Variants in TENM4 observed in about 807,000 individuals in gnomAD.
TENM4 encodes the protein teneurin transmembrane protein 4.
Under a neutral mutation model 243.3 loss-of-function variants are expected in TENM4, and 82 were observed. The observed-to-expected ratio is 0.34, with a 90% CI of 0.28 to 0.40. The LOEUF is 0.40. TENM4 is among the 10% of genes least tolerant of loss of function. The pLI is 1.00. For missense variants in TENM4, 3,138 were observed against 3,673.3 expected (o/e 0.85, Z 3.77); for synonymous variants, 1,412 against 1,456.3 (o/e 0.97, Z 0.69).
chr11:78,750,185 G>A (rs1482346891), intron 19 of TENM4, among the ~76,000 whole-genome samples: 1 of 152,192 alleles, frequency 6.6e-6, no homozygotes, highest in Non-Finnish European at 1.5e-5. Context: ...AGCTTATCCA[G>A]TAGTTCATGC....
At chr11:78,902,400 G>T (rs1347292107) in intron 7 of TENM4, among the ~76,000 whole-genome samples, 1 of 152,184 alleles carries the variant, frequency 6.6e-6, no homozygotes, top group Non-Finnish European at 1.5e-5. Context: ...ATGTCCCTGA[G>T]CTGACAAATC....
chr11:79,206,541 C>T (rs954743092), intron 3 of TENM4, among the ~76,000 whole-genome samples: 2 of 152,286 alleles, frequency 1.3e-5, no homozygotes, highest in African/African-American at 4.8e-5. Flanking sequence ...CAAATGTCAA[C>T]TTGAATTGTA....
At chr11:78,963,331 A>C (rs1857371444) in intron 6 of TENM4, among the ~76,000 whole-genome samples, 1 of 152,216 alleles carries the variant, frequency 6.6e-6, no homozygotes, top group Non-Finnish European at 1.5e-5. Flanking sequence ...AAGAACTTTG[A>C]GCTCAGACAA....
intron 2 of TENM4, among the ~76,000 whole-genome samples, chr11:79,238,551 G>A (rs1189820222): frequency 6.6e-6 from 1 of 152,072 alleles, no homozygotes; most frequent in Non-Finnish European, 1.5e-5. Flanking sequence ...TGGTTCTCAG[G>A]CCTTAGGGTT....
At chr11:78,989,290 G>A (rs756054411) in intron 6 of TENM4, among the ~76,000 whole-genome samples, 4 of 152,232 alleles carry the variant, frequency 2.6e-5, no homozygotes, top group African/African-American at 4.8e-5. Flanking sequence ...AGAGTCACAG[G>A]ATGTGGGAAA....
chr11:79,407,516 C>T (rs1218725946), intron 1 of TENM4, among the ~76,000 whole-genome samples: 1 of 152,190 alleles, frequency 6.6e-6, no homozygotes, highest in Admixed American at 6.5e-5. Flanking sequence ...GGAACCAAGG[C>T]TTACAGAGGT....
chr11:79,142,830 A>C (rs1454958431), intron 4 of TENM4, among the ~76,000 whole-genome samples: 2 of 152,110 alleles, frequency 1.3e-5, no homozygotes, highest in African/African-American at 4.8e-5. Context: ...ACAAATCTGC[A>C]TACCTACAGT....
intron 6 of TENM4, among the ~76,000 whole-genome samples, chr11:78,972,808 C>T (rs180995115): frequency 6.0e-4 from 92 of 152,300 alleles, no homozygotes; most frequent in African/African-American, 2.2e-3. Context: ...AGAGAAACTC[C>T]ACACTCATTA....
rs1555097811 is a variant in TENM4 at position 78,893,780 on chromosome 11, T to TACATACACACACACACACACACACAC, written c.750-2445_750-2444insGTGTGTGTGTGTGTGTGTGTGTATGT. Among the ~76,000 whole-genome samples, 41 of 142,668 alleles carry TACATACACACACACACACACACACAC rather than the reference T, an allele frequency of 2.9e-4. 1 individual carries two copies. Among genetic ancestry groups the TACATACACACACACACACACACACAC allele is most frequent in the African/African-American group, 1.1e-3 (38 of 36,000 alleles). 93.6% of individuals were successfully genotyped at this position (142,668 alleles called of 152,430 possible). On this transcript the variant is annotated intron_variant, in intron 7 of 33. Coordinates refer to ENST00000278550, the MANE Select transcript of TENM4 (RefSeq NM_001098816.3). Reference sequence around the variant, plus strand: ...TGTACTGATTTTTCAGGACTTCACATACACACACACACACACACACTCCTC... The same window carrying TACATACACACACACACACACACACAC: ...TGTACTGATTTTTCAGGACTTCACATACATACACACACACACACACACACACACACACACACACACACACACTCCTC...
At chr11:78,709,614 A>C (rs988913170) in intron 26 of TENM4, among the ~76,000 whole-genome samples, 5 of 152,038 alleles carry the variant, frequency 3.3e-5, no homozygotes, top group Non-Finnish European at 4.4e-5. Flanking sequence ...GCTAAACTGC[A>C]CCCCCCAGGT....
intron 3 of TENM4, among the ~76,000 whole-genome samples, chr11:79,181,058 C>T (rs1023971571): frequency 3.2e-4 from 49 of 152,174 alleles, no homozygotes; most frequent in Admixed American, 2.9e-3. Context: ...TTCTAGGAGA[C>T]AGAAGCAGAG....
chr11:78,801,158 C>A (rs1857273804), intron 15 of TENM4, among the ~76,000 whole-genome samples: 1 of 152,162 alleles, frequency 6.6e-6, no homozygotes, highest in Non-Finnish European at 1.5e-5. Context: ...GACTTGGGAA[C>A]AAAGGGCCTG....
At chr11:79,358,266 T>A (rs1010335181) in intron 1 of TENM4, among the ~76,000 whole-genome samples, 4 of 152,180 alleles carry the variant, frequency 2.6e-5, no homozygotes, top group African/African-American at 9.7e-5. Context: ...AAATGATAAA[T>A]ATTACTAAAA....
intron 1 of TENM4, among the ~76,000 whole-genome samples, chr11:79,355,696 A>C (rs1374480273): frequency 2.3e-5 from 3 of 128,222 alleles, no homozygotes. Context: ...CACAGTCTGC[A>C]GCAAAATCAT....
rs770269024 is a variant in TENM4, at chr11:78,670,464, C to A, written c.5881G>T (p.Val1961Leu). The A allele has an allele frequency of 1.2e-6, 2 of 1,613,958 alleles. No homozygotes were observed. The highest frequency in any genetic ancestry group is 1.7e-4 in the Middle Eastern group (1 of 6,032). The change falls in exon 32 of 34, where the codon GTG (valine) becomes TTG (leucine). Residue 1961 changes from valine (V) to leucine (L), a missense_variant. This residue lies in a region of TENM4 where 2,467 missense variants were observed against 3,059.1 expected (regional missense o/e 0.81). Coordinates refer to ENST00000278550, the MANE Select transcript of TENM4 (RefSeq NM_001098816.3). ...DRLSSVTMPN[V>L]ARQTLETIRS... ...ATGGTCTCTAGTGTCTGCCGCGCCA[C>A]GTTGGGCATCGTCACAGAAGAGAGG...
rs77943899 is a variant in TENM4 at position 79,076,148 on chromosome 11, C to T, written c.-65-6139G>A. Among the ~76,000 whole-genome samples, 289 of 152,266 alleles carry T rather than the reference C, an allele frequency of 1.9e-3. 9 individuals are homozygous for T. The South Asian group carries it at 0.046, about 24-fold the overall frequency. Reference sequence around the variant, plus strand: ...TTGAGCACAGTGCTTTTCACATACCCCCATGAAAGCCATAATTATTTCTCG... The same window carrying T: ...TTGAGCACAGTGCTTTTCACATACCTCCATGAAAGCCATAATTATTTCTCG... On this transcript the variant is annotated intron_variant, in intron 4 of 33. Transcript: ENST00000278550.
At chr11:79,093,939 G>C (rs903700044) in intron 4 of TENM4, 3 of 152,184 alleles carry the variant, frequency 2.0e-5, no homozygotes, top group Non-Finnish European at 4.4e-5. Flanking sequence ...CCAGGCACAG[G>C]TAGCTGAATT....
intron 4 of TENM4, among the ~76,000 whole-genome samples, chr11:79,121,764 A>G (rs1861750487): frequency 6.6e-6 from 1 of 152,178 alleles, no homozygotes; most frequent in South Asian, 2.1e-4. Flanking sequence ...GTGGTGGTGG[A>G]AAGAGTTTGG....
At chr11:78,749,260 AC>A (rs1399200692) in intron 19 of TENM4, 1 of 152,110 alleles carries the variant, frequency 6.6e-6, no homozygotes. Context: ...TTTTTAAAAA[AC>A]CAACATGAAT....
Sources: gnomAD v4.1 joint callset for allele counts (sites outside exome capture counted in the v4.1 genomes callset) on GRCh38, gnomAD v4.1.1 for gene constraint, gnomAD v4.1.1 regional missense constraint, MANE v1.5 for transcripts, NCBI Gene and HGNC (gene_info 2026-07-23, HGNC 2026-07-21) for gene names.